The following ABCA7 variants were observed in gnomAD, a reference collection of about 807,000 sequenced individuals.
The protein encoded by ABCA7 is phospholipid-transporting ATPase ABCA7.
A neutral mutation model predicts 227.6 loss-of-function variants in ABCA7; 261 were observed. The observed-to-expected ratio is 1.15, with a 90% CI of 1.04 to 1.27. The LOEUF is 1.27. ABCA7 is among the 50% of genes most tolerant of loss of function. The pLI is 0.00. For synonymous variants in ABCA7, 1,488 were observed against 1,279.7 expected, an observed-to-expected ratio of 1.16 and a Z score of -3.47; for missense variants, 3,331 against 2,924.5, an observed-to-expected ratio of 1.14 and a Z score of -3.21.
At chr19:1,060,942 T>A (rs909033929) in intron 40 of ABCA7, among the ~76,000 whole-genome samples, 1 of 152,196 alleles carries the variant, frequency 6.6e-6, no homozygotes, top group African/African-American at 2.4e-5. Flanking sequence ...CATGCCCTGA[T>A]ATTTGTTGAG....
Position 1,065,323 on chromosome 19 carries a change from G to A in ABCA7, c.6339G>A (p.Gln2113=), listed in dbSNP as rs1472477184. The A allele has an allele frequency of 1.2e-6, 2 of 1,613,550 alleles. No individual in the cohort carries two copies. Among genetic ancestry groups the A allele is most frequent in the Non-Finnish European group, 1.7e-6 (2 of 1,180,016 alleles). The stretch of plus-strand genomic sequence containing the variant: ...GGAAGGACGAGGACACCGAAGAGCA[G>A]AAGGAGGCAGGAGTGGGAGTGGACC... ...DQGKDEDTEE[Q]KEAGVGVDPA... The change falls in exon 47 of 47, where the codon CAG becomes CAA. Residue 2113 remains glutamine, a synonymous_variant. Transcript: ENST00000263094.
At position 1,042,574 on chromosome 19, in the gene ABCA7, A is replaced by G. The variant is rs761519314; in HGVS notation, c.499-172A>G. The G allele has an allele frequency of 2.3e-5, 23 of 1,013,930 alleles. 1 individual carries two copies. In the South Asian group the frequency reaches 3.0e-4, roughly 13 times the overall value. The allele number at this position is 1,013,930 out of a possible 1,614,324, so 62.8% of individuals were successfully genotyped here. The stretch of plus-strand genomic sequence containing the variant: ...CAGACAGAGTGTGTCTGACCCAGTG[A>G]GGAAGACTCGTCTGTGAGATCTCCA... On this transcript the variant is annotated intron_variant, in intron 6 of 46. Coordinates refer to ENST00000263094, the MANE Select transcript of ABCA7 (RefSeq NM_019112.4).
At position 1,043,115 on chromosome 19, in the gene ABCA7, G is replaced by A. The variant is rs2040226991; in HGVS notation, c.654G>A (p.Glu218=). 6.2e-7 allele frequency: 1 copy of A among 1,612,666 alleles called. No homozygotes were observed. Among genetic ancestry groups the A allele is most frequent in the Middle Eastern group, 1.6e-4 (1 of 6,062 alleles). ...CCCGAGGGACCAGCGGCCCCCTGGA[G>A]TTGCTGTCAGAGGCCCTCTGCAGTG... ...QRPRGTSGPL[E]LLSEALCSVR... The change falls in exon 8 of 47, where the codon GAG becomes GAA. Residue 218 remains glutamate (E), a synonymous_variant. Coordinates refer to ENST00000263094, the MANE Select transcript of ABCA7 (RefSeq NM_019112.4).
At position 1,048,960 on chromosome 19, in the gene ABCA7, C is replaced by A. The variant is rs1298974736; in HGVS notation, c.2335C>A (p.Pro779Thr). Residue 779 changes from proline (P) to threonine (T), a missense_variant, in exon 17 of 47, where the codon CCC (proline) becomes ACC (threonine). Physicochemically the swap from Pro to Thr is conservative, Grantham distance 38. Transcript: ENST00000263094. ...GAGGAGCTACTGGTGCGGACCTCGG[C>A]CCCCCAAGAGTCCAGCCCCTTGCCC... ...FRRSYWCGPR[P>T]PKSPAPCPTP... 1 of 1,608,524 alleles carries A rather than the reference C, an allele frequency of 6.2e-7. No individual in the cohort carries two copies. The highest frequency in any genetic ancestry group is 8.5e-7 in the Non-Finnish European group (1 of 1,177,956).
rs1599554796 is a variant in ABCA7 at position 1,043,015 on chromosome 19, A to T, written c.580-26A>T. The T allele has an allele frequency of 2.5e-6, 4 of 1,576,308 alleles. No individual in the cohort carries two copies. The East Asian group carries it at 9.0e-5, about 36-fold the overall frequency. On this transcript the variant is annotated intron_variant, in intron 7 of 46. Coordinates refer to ENST00000263094, the MANE Select transcript of ABCA7 (RefSeq NM_019112.4). Reference sequence around the variant, plus strand: ...AGGGCTTGGAGGTGGGATCATTGCCAGCTCCGTCTGGTAACCTCTCTCTAG... The same window carrying T: ...AGGGCTTGGAGGTGGGATCATTGCCTGCTCCGTCTGGTAACCTCTCTCTAG...
Position 1,043,030 on chromosome 19 carries a change from CCT to C in ABCA7, c.580-4_580-3del, listed in dbSNP as rs758320940. 1.5e-5 allele frequency: 24 copies of C among 1,589,398 alleles called. No individual in the cohort carries two copies. The South Asian group carries it at 2.3e-4, about 15-fold the overall frequency. On this transcript the variant is annotated splice_polypyrimidine_tract_variant and intron_variant, in intron 7 of 46. Coordinates refer to ENST00000263094, the MANE Select transcript of ABCA7 (RefSeq NM_019112.4). ...GATCATTGCCAGCTCCGTCTGGTAACCTCTCTCTAGCTCCTGGCGCTGCGCAG... is the reference window on the plus strand; with the variant it reads ...GATCATTGCCAGCTCCGTCTGGTAACCTCTCTAGCTCCTGGCGCTGCGCAG...
At chr19:1,062,030 C>A in intron 41 of ABCA7, 142 bp downstream of exon 41, 1 of 1,451,532 alleles carries the variant, frequency 6.9e-7, no homozygotes, top group East Asian at 2.3e-5. Context: ...ACCTCTACCT[C>A]CCACACGCGG....
Position 1,046,411 on chromosome 19 carries a change from G to A in ABCA7, c.1622+5G>A, listed in dbSNP as rs772043407. ...TCCGTGCTATGTGGACGACGTGTGA[G>A]CTCTGGCACCCCTCCCCGCTCTTCC... On this transcript the variant is annotated splice_donor_5th_base_variant and intron_variant, in intron 13 of 46. Transcript: ENST00000263094. The A allele has an allele frequency of 2.6e-6, 4 of 1,538,150 alleles. No individual in the cohort carries two copies. The highest frequency in any genetic ancestry group is 3.5e-6 in the Non-Finnish European group (4 of 1,144,530).
Position 1,056,310 on chromosome 19 carries a change from T to G in ABCA7, c.4417-20T>G, listed in dbSNP as rs760007333. 6 of 1,610,758 alleles carry G rather than the reference T, an allele frequency of 3.7e-6. No individual in the cohort carries two copies. In the South Asian group the frequency reaches 5.5e-5, roughly 15 times the overall value. Reference sequence around the variant, plus strand: ...GTCCAACCCCATTGCTCTGACCCTATGACCTTGACCCCCACCCAGATCTGG... The same window carrying G: ...GTCCAACCCCATTGCTCTGACCCTAGGACCTTGACCCCCACCCAGATCTGG... On this transcript the variant is annotated intron_variant, in intron 32 of 46. Transcript: ENST00000263094. The surrounding 1 kb of genome is among the most constrained non-coding windows in gnomAD (Gnocchi z 4.3).
At chr19:1,042,951 AG>A (rs2144684642) in intron 7 of ABCA7, 89 bp from the exon 8 acceptor site, 1 of 1,513,692 alleles carries the variant, frequency 6.6e-7, no homozygotes, top group East Asian at 2.3e-5. Flanking sequence ...AGACAGCGAG[AG>A]GGAGAGGCTG....
intron 21 of ABCA7, 119 bp downstream of exon 21, chr19:1,051,705 G>C: frequency 1.8e-6 from 2 of 1,083,084 alleles, no homozygotes; most frequent in Non-Finnish European, 2.6e-6. Flanking sequence ...TTGTTGCTAT[G>C]GCATTTAGGG....
intron 12 of ABCA7, 32 bp downstream of exon 12, chr19:1,045,263 GACT>G: frequency 2.8e-6 from 3 of 1,086,160 alleles, no homozygotes; most frequent in Non-Finnish European, 4.1e-6. Context: ...GGGGATGAGG[GACT>G]GGGCGGGGCC....
Position 1,059,013 on chromosome 19 carries a change from A to G in ABCA7, c.5401-10A>G, listed in dbSNP as rs750794953. 1 of 1,613,540 alleles carries G rather than the reference A, an allele frequency of 6.2e-7. No homozygotes were observed. Among genetic ancestry groups the G allele is most frequent in the South Asian group, 1.1e-5 (1 of 91,008 alleles). On this transcript the variant is annotated splice_polypyrimidine_tract_variant and intron_variant, in intron 39 of 46. Coordinates refer to ENST00000263094, the MANE Select transcript of ABCA7 (RefSeq NM_019112.4). Reference sequence around the variant, plus strand: ...CCACTCACCTTTCTGAAAGACCTGCACTCTCCCAGGTATACCGTGGGCAGA... The same window carrying G: ...CCACTCACCTTTCTGAAAGACCTGCGCTCTCCCAGGTATACCGTGGGCAGA...
At position 1,056,082 on chromosome 19, in the gene ABCA7, CT is replaced by C. The variant is rs779885154; in HGVS notation, c.4256del (p.Leu1419ArgfsTer25). ...GCCCCACAGATACGGAGGCTTCTCG[CT>C]GGGGGGCCGAGACCCAGGCCTGCCC... Reference protein sequence around the residue: ...VNEVRYGGFSLGGRDPGLPSG... With the variant: ...VNEVRYGGFSXGGRDPGLPSG... On this transcript the variant is annotated frameshift_variant, in exon 32 of 47. Transcript: ENST00000263094. LOFTEE classifies it high-confidence loss of function. The surrounding 1 kb of genome is among the most constrained non-coding windows in gnomAD (Gnocchi z 4.3). 5.0e-6 allele frequency: 8 copies of C among 1,594,990 alleles called. No homozygotes were observed. The highest frequency in any genetic ancestry group is 6.8e-6 in the Non-Finnish European group (8 of 1,169,448).
rs1454239023 is a variant in ABCA7 at position 1,053,542 on chromosome 19, TG to T, written c.3423+14del. On this transcript the variant is annotated intron_variant, in intron 24 of 46. Transcript: ENST00000263094. ...ACCAGCCTCGAGGAGGTGTGAGGCC[TG>T]GGTGGTGGTGAGGTGGGGCCAGGAG... 6 of 1,555,380 alleles carry T rather than the reference TG, an allele frequency of 3.9e-6. No individual in the cohort carries two copies. Among genetic ancestry groups the T allele is most frequent in the African/African-American group, 1.4e-5 (1 of 73,528 alleles).
rs764118325 is a variant in ABCA7 at position 1,042,012 on chromosome 19, G to A, written c.302+40G>A. ...GTGGGTGCGGCCGGCCTGCAAACTCGGGGCTGCAGTGCCGGCCGGAACCCC... is the reference window on the plus strand; with the variant it reads ...GTGGGTGCGGCCGGCCTGCAAACTCAGGGCTGCAGTGCCGGCCGGAACCCC... On this transcript the variant is annotated intron_variant, in intron 4 of 46. Coordinates refer to ENST00000263094, the MANE Select transcript of ABCA7 (RefSeq NM_019112.4). 9.2e-5 allele frequency: 145 copies of A among 1,577,860 alleles called. No individual in the cohort carries two copies. In the African/African-American group the frequency reaches 1.0e-3, roughly 11 times the overall value.
chr19:1,044,872 C>T, intron 11 of ABCA7, 128 bp downstream of exon 11: 1 of 1,465,260 alleles, frequency 6.8e-7, no homozygotes, highest in Admixed American at 2.1e-5. Context: ...TTGTAGAGAT[C>T]TCAGGAGGGA....
At chr19:1,048,513 A>AAAAAAAAAAAAAAC (rs2040972294) in intron 16 of ABCA7, among the ~76,000 whole-genome samples, 1 of 141,494 alleles carries the variant, frequency 7.1e-6, no homozygotes, top group African/African-American at 2.7e-5. Context: ...AAAAAAACAA[A>AAAAAAAAAAAAAAC]AAAAAAAAAA....
At chr19:1,064,124 C>T in intron 44 of ABCA7, 37 bp from the exon 45 acceptor site, 1 of 1,522,338 alleles carries the variant, frequency 6.6e-7, no homozygotes, top group Non-Finnish European at 8.8e-7. Context: ...ACAGGTGGCC[C>T]CGGCCTCACG....
Sources: allele counts gnomAD v4.1 joint callset (sites outside exome capture counted in the v4.1 genomes callset), GRCh38; gene constraint gnomAD v4.1.1; non-coding constraint Gnocchi (gnomAD v3.1); transcripts MANE v1.5; gene names NCBI Gene and HGNC (gene_info 2026-07-23, HGNC 2026-07-21).